Variants in SNTG1 observed in about 807,000 individuals in gnomAD.
SNTG1 encodes the protein gamma-1-syntrophin.
Under a neutral mutation model 74.7 loss-of-function variants are expected in SNTG1, and 39 were observed. That is an observed-to-expected ratio of 0.52 (90% CI 0.40 to 0.68). The LOEUF is 0.68. SNTG1 is among the 30% of genes least tolerant of loss of function. The pLI, the probability that SNTG1 is intolerant of heterozygous loss-of-function variation, is 0.00. For missense variants in SNTG1, 685 were observed against 609.5 expected, an observed-to-expected ratio of 1.12 and a Z score of -1.30; for synonymous variants, 254 against 217.1, an observed-to-expected ratio of 1.17 and a Z score of -1.49.
chr8:49,980,587 T>G (rs1488120193), intron 1 of SNTG1, among the ~76,000 whole-genome samples: 5 of 150,500 alleles, frequency 3.3e-5, no homozygotes, highest in Admixed American at 6.6e-5. Flanking sequence ...GGCACAGCTT[T>G]GCTGCCTCTC....
intron 5 of SNTG1, among the ~76,000 whole-genome samples, chr8:50,443,777 ACT>A (rs955343838): frequency 3.2e-4 from 48 of 152,064 alleles, no homozygotes; most frequent in African/African-American, 1.1e-3. Context: ...TTACCTCAAA[ACT>A]CTCTACTCAG....
At position 50,431,685 on chromosome 8, in the gene SNTG1, G is replaced by A. The variant is rs548178128; in HGVS notation, c.163-6858G>A. 5.3e-5 allele frequency among the ~76,000 whole-genome samples: 8 copies of A among 152,288 alleles called. No individual in the cohort carries two copies. In the East Asian group the frequency reaches 9.6e-4, roughly 18 times the overall value. ...TTAACCATGAACAGTATTCTTGAAAGCATTTGGTATTGTCAGTGTTTTGGA... is the reference window on the plus strand; with the variant it reads ...TTAACCATGAACAGTATTCTTGAAAACATTTGGTATTGTCAGTGTTTTGGA... On this transcript the variant is annotated intron_variant, in intron 4 of 18. Coordinates refer to ENST00000642720, the MANE Select transcript of SNTG1 (RefSeq NM_018967.5).
chr8:50,324,232 TCTG>T (rs886762178), intron 2 of SNTG1, among the ~76,000 whole-genome samples: 7 of 152,176 alleles, frequency 4.6e-5, no homozygotes, highest in African/African-American at 1.7e-4. Context: ...GGTTTTATTC[TCTG>T]CTGTAGCAGG....
intron 2 of SNTG1, among the ~76,000 whole-genome samples, chr8:50,182,390 A>G (rs1212215322): frequency 6.6e-6 from 1 of 152,218 alleles, no homozygotes; most frequent in Non-Finnish European, 1.5e-5. Context: ...TATTTTTATG[A>G]CATGACATTA....
chr8:50,391,950 G>T (rs989025067), intron 2 of SNTG1, among the ~76,000 whole-genome samples: 1 of 152,098 alleles, frequency 6.6e-6, no homozygotes, highest in Non-Finnish European at 1.5e-5. Flanking sequence ...CTTCAACACT[G>T]CTAAGGTCTT....
At chr8:50,319,460 T>G (rs1392770097) in intron 2 of SNTG1, among the ~76,000 whole-genome samples, 2 of 152,198 alleles carry the variant, frequency 1.3e-5, no homozygotes, top group African/African-American at 2.4e-5. Context: ...GTTCTAATAG[T>G]TTTTTAGGGA....
In SNTG1 at chr8:50,593,137, C is replaced by T. The variant is rs150195260; in HGVS notation, c.849+2220C>T. On this transcript the variant is annotated intron_variant, in intron 13 of 18. Coordinates refer to ENST00000642720, the MANE Select transcript of SNTG1 (RefSeq NM_018967.5). ...AAAGTCACCCAAGCTACAATGAATC[C>T]GAAGTTCTCTGCTCCCTGAGATTTG... Among the ~76,000 whole-genome samples the T allele has an allele frequency of 4.6e-3, 694 of 152,202 alleles. 5 individuals carry two copies. Among genetic ancestry groups the T allele is most frequent in the African/African-American group, 0.016 (644 of 41,520 alleles).
At chr8:49,984,565 T>A (rs1202271881) in intron 1 of SNTG1, among the ~76,000 whole-genome samples, 1 of 152,210 alleles carries the variant, frequency 6.6e-6, no homozygotes, top group Non-Finnish European at 1.5e-5. Context: ...ATATAAAATT[T>A]TCCTTAATGT....
Position 50,734,702 on chromosome 8 carries a change from A to C in SNTG1, c.1285-17299A>C, listed in dbSNP as rs185950020. Among the ~76,000 whole-genome samples, 791 of 145,708 alleles carry C rather than the reference A, an allele frequency of 5.4e-3. 29 individuals carry two copies. Among genetic ancestry groups the C allele is most frequent in the Admixed American group, 0.048 (687 of 14,366 alleles). ...GATATGTATATATGGACATATATAT[A>C]TCTCTCTATATATGGACATTATATA... On this transcript the variant is annotated intron_variant, in intron 17 of 18. Coordinates refer to ENST00000642720, the MANE Select transcript of SNTG1 (RefSeq NM_018967.5).
chr8:50,560,431 C>A (rs1006606911), intron 12 of SNTG1, among the ~76,000 whole-genome samples: 14 of 152,138 alleles, frequency 9.2e-5, no homozygotes, highest in African/African-American at 2.9e-4. Context: ...ATGCTCATTG[C>A]AGCACTATTC....
chr8:50,691,619 C>CTGT (rs1158027637), intron 15 of SNTG1, among the ~76,000 whole-genome samples: 1 of 152,308 alleles, frequency 6.6e-6, no homozygotes, highest in East Asian at 1.9e-4. Flanking sequence ...GAGAGATCAG[C>CTGT]TGTTAGTCTG....
intron 13 of SNTG1, among the ~76,000 whole-genome samples, chr8:50,656,433 G>T (rs963618423): frequency 1.3e-5 from 2 of 152,070 alleles, no homozygotes; most frequent in Non-Finnish European, 2.9e-5. Context: ...CCCCTATCAG[G>T]CACAGAGGAG....
chr8:50,263,815 A>G (rs1246250044), intron 2 of SNTG1, among the ~76,000 whole-genome samples: 1 of 152,198 alleles, frequency 6.6e-6, no homozygotes, highest in East Asian at 1.9e-4. Flanking sequence ...AGAAGACTTG[A>G]ACAGCTCTAT....
In SNTG1 at chr8:50,518,793, T is replaced by A. The variant is rs577206044; in HGVS notation, c.467-11384T>A. ...CCTTGAATAGGCCAATAACAAGTTCTGAAATTGAGGCAGTAATTAATAGCC... is the reference window on the plus strand; with the variant it reads ...CCTTGAATAGGCCAATAACAAGTTCAGAAATTGAGGCAGTAATTAATAGCC... On this transcript the variant is annotated intron_variant, in intron 9 of 18. Coordinates refer to ENST00000642720, the MANE Select transcript of SNTG1 (RefSeq NM_018967.5). Among the ~76,000 whole-genome samples the A allele has an allele frequency of 3.3e-5, 5 of 152,290 alleles. No individual in the cohort carries two copies. In the South Asian group the frequency reaches 1.0e-3, roughly 32 times the overall value.
intron 8 of SNTG1, among the ~76,000 whole-genome samples, chr8:50,487,080 T>A (rs2093802666): frequency 6.6e-6 from 1 of 152,098 alleles, no homozygotes; most frequent in South Asian, 2.1e-4. Context: ...AAAAAACACA[T>A]GAAAAAATGC....
chr8:49,926,337 A>G (rs1807027578), intron 1 of SNTG1, among the ~76,000 whole-genome samples: 1 of 152,122 alleles, frequency 6.6e-6, no homozygotes, highest in South Asian at 2.1e-4. Context: ...TTTTTTTACA[A>G]TTTATATTTT....
chr8:50,766,881 T>C (rs1056017501), intron 18 of SNTG1, among the ~76,000 whole-genome samples: 1 of 151,910 alleles, frequency 6.6e-6, no homozygotes, highest in Non-Finnish European at 1.5e-5. Flanking sequence ...CATCTTGATA[T>C]GATATATTTT....
chr8:50,096,512 A>G (rs963192170), intron 1 of SNTG1, among the ~76,000 whole-genome samples: 1 of 152,220 alleles, frequency 6.6e-6, no homozygotes, highest in African/African-American at 2.4e-5. Flanking sequence ...TGAGTTCACA[A>G]TACAATTATT....
chr8:50,447,827 T>C (rs1030355446), intron 5 of SNTG1, among the ~76,000 whole-genome samples: 2 of 152,164 alleles, frequency 1.3e-5, no homozygotes, highest in Non-Finnish European at 2.9e-5. Flanking sequence ...TAAAAGGGGA[T>C]TGGGAATTTG....
Sources: allele counts gnomAD v4.1 joint callset (sites outside exome capture counted in the v4.1 genomes callset), GRCh38; gene constraint gnomAD v4.1.1; transcripts MANE v1.5; gene names NCBI Gene and HGNC (gene_info 2026-07-23, HGNC 2026-07-21).